DDX60: variants seen among roughly 807,000 people sequenced by gnomAD.
DDX60 encodes probable ATP-dependent RNA helicase DDX60.
DDX60 carries 165 observed loss-of-function variants against 212.8 expected under a neutral mutation model. The observed-to-expected ratio is 0.78, with a 90% CI of 0.68 to 0.88. The LOEUF is 0.88. Among genes scored for constraint, DDX60 ranks in the 40% least tolerant of loss-of-function variants. DDX60 has a pLI of 0.00. For missense variants in DDX60, 1,905 were observed against 2,003.9 expected, an observed-to-expected ratio of 0.95 and a Z score of 0.94; for synonymous variants, 703 against 685.3, an observed-to-expected ratio of 1.03 and a Z score of -0.40.
At chr4:168,224,028 T>C (rs781306831) in intron 35 of DDX60, among the ~76,000 whole-genome samples, 3 of 151,994 alleles carry the variant, frequency 2.0e-5, no homozygotes, top group Non-Finnish European at 4.4e-5. Flanking sequence ...TAGTGGTGCC[T>C]GGAAACTCTC....
intron 6 of DDX60, among the ~76,000 whole-genome samples, chr4:168,297,309 A>G (rs1301049079): frequency 2.1e-4 from 5 of 23,640 alleles, no homozygotes; most frequent in African/African-American, 1.9e-3. Context: ...AAAGAAAGAA[A>G]GAAAGAAAGA....
upstream of DDX60, among the ~76,000 whole-genome samples, chr4:168,320,703 CAA>C (rs1228962802): frequency 6.6e-6 from 1 of 152,142 alleles, no homozygotes; most frequent in Non-Finnish European, 1.5e-5. Context: ...TGTGTTATAA[CAA>C]GAGGTAGAAT....
chr4:168,220,572 G>A (rs1430568455), intron 37 of DDX60, 83 bp downstream of exon 37: 3 of 788,644 alleles, frequency 3.8e-6, no homozygotes, highest in Non-Finnish European at 6.0e-6. Context: ...CATGTACCTG[G>A]CTTATAGTAA....
intron 19 of DDX60, among the ~76,000 whole-genome samples, chr4:168,270,500 C>G (rs780311910): frequency 6.6e-6 from 1 of 152,170 alleles, no homozygotes; most frequent in African/African-American, 2.4e-5. Flanking sequence ...TTGGTTTTAT[C>G]CCTTACACAA....
At chr4:168,292,522 G>A (rs1432162506) in intron 7 of DDX60, among the ~76,000 whole-genome samples, 2 of 152,100 alleles carry the variant, frequency 1.3e-5, no homozygotes, top group South Asian at 2.1e-4. Context: ...TGAGCTGATC[G>A]AGCAACTAAT....
intron 13 of DDX60, among the ~76,000 whole-genome samples, chr4:168,281,151 AAAG>A (rs1560853989): frequency 1.3e-5 from 2 of 152,172 alleles, no homozygotes; most frequent in Admixed American, 6.5e-5. Flanking sequence ...GAAAAATAAA[AAAG>A]AAGAAGAAAA....
intron 28 of DDX60, 83 bp downstream of exon 28, chr4:168,250,871 G>A: frequency 8.4e-7 from 1 of 1,194,842 alleles, no homozygotes; most frequent in Non-Finnish European, 1.2e-6. Context: ...AAGAAAAATG[G>A]TGGTTGTATT....
the DDX60 span, among the ~76,000 whole-genome samples, chr4:168,325,392 A>G: frequency 6.6e-6 from 1 of 152,216 alleles, no homozygotes; most frequent in Non-Finnish European, 1.5e-5. Flanking sequence ...AAGAGAGTTC[A>G]TTCTCTATTA....
intron 13 of DDX60, 100 bp from the exon 14 acceptor site, chr4:168,280,690 C>T: frequency 7.7e-7 from 1 of 1,305,812 alleles, no homozygotes; most frequent in Non-Finnish European, 1.0e-6. Context: ...AAGACTTTGA[C>T]CATCATCCCA....
chr4:168,248,143 C>T, intron 29 of DDX60, 45 bp downstream of exon 29: 1 of 1,304,114 alleles, frequency 7.7e-7, no homozygotes, highest in Non-Finnish European at 1.1e-6. Context: ...ACGCTATGGC[C>T]ATATTTCAGC....
Position 168,255,801 on chromosome 4 carries a change from G to T in DDX60, c.3467C>A (p.Thr1156Lys). The T allele has an allele frequency of 1.2e-6, 2 of 1,607,960 alleles. No homozygotes were observed. The highest frequency in any genetic ancestry group is 1.7e-6 in the Non-Finnish European group (2 of 1,178,304). ...TTTATCAGCTTTGGGAGGCCTTTTT[G>T]TCTCCTGCTTTTTCTTTAGGAAAGT... Reference protein sequence around the residue: ...VSTFLKKKQETKRPPKADKEA... With the variant: ...VSTFLKKKQEKKRPPKADKEA... The change falls in exon 26 of 38, where the codon ACA becomes AAA. Residue 1156 changes from threonine to lysine, a missense_variant. Physicochemically the swap from Thr to Lys is moderately conservative, Grantham distance 78. Transcript: ENST00000393743.
chr4:168,280,456 T>C lies in DDX60; in HGVS notation c.1857A>G (p.Gly619=). ...EEQLKENLHS[G]IKSLEDFLKS... ...TCAAAAAATCTTCCAGGCTCTTTAT[T>C]CCAGAGTGTAAATTTTCTTTCAATT... The change falls in exon 14 of 38, where the codon GGA becomes GGG. Residue 619 remains glycine, a synonymous_variant. Coordinates refer to ENST00000393743, the MANE Select transcript of DDX60 (RefSeq NM_017631.6). 1 of 1,614,182 alleles carries C rather than the reference T, an allele frequency of 6.2e-7. No individual in the cohort carries two copies. The highest frequency in any genetic ancestry group is 1.1e-5 in the South Asian group (1 of 91,088).
intron 37 of DDX60, among the ~76,000 whole-genome samples, chr4:168,218,038 T>C (rs997240639): frequency 2.0e-5 from 3 of 152,170 alleles, no homozygotes; most frequent in Non-Finnish European, 4.4e-5. Flanking sequence ...GAATGAACAG[T>C]ACAGCTGGAC....
intron 22 of DDX60, among the ~76,000 whole-genome samples, chr4:168,265,262 G>A (rs1476978997): frequency 1.3e-5 from 2 of 152,134 alleles, no homozygotes; most frequent in East Asian, 1.9e-4. Context: ...CAGGTGGATG[G>A]CCGTTCTTAT....
chr4:168,302,165 G>A, intron 6 of DDX60, 135 bp downstream of exon 6: 1 of 460,294 alleles, frequency 2.2e-6, no homozygotes, highest in Non-Finnish European at 3.9e-6. Flanking sequence ...TTTCATAAAT[G>A]TTCCGTGGTT....
At chr4:168,267,176 A>C (rs765268303) in intron 22 of DDX60, among the ~76,000 whole-genome samples, 33 of 152,196 alleles carry the variant, frequency 2.2e-4, no homozygotes, top group Non-Finnish European at 4.1e-4. Flanking sequence ...TACATTAGTG[A>C]GAATGTCTTT....
chr4:168,238,362 G>C (rs1011327108), intron 30 of DDX60, among the ~76,000 whole-genome samples: 2 of 140,492 alleles, frequency 1.4e-5, no homozygotes, highest in African/African-American at 2.6e-5. Flanking sequence ...ACTAGGAGGA[G>C]GAAGGGAAGG....
chr4:168,299,858 T>C (rs1474747092), intron 6 of DDX60, among the ~76,000 whole-genome samples: 1 of 152,132 alleles, frequency 6.6e-6, no homozygotes, highest in Admixed American at 6.5e-5. Context: ...GAGATTTCTA[T>C]CAAATCTTCA....
At chr4:168,299,734 T>C (rs1278481361) in intron 6 of DDX60, among the ~76,000 whole-genome samples, 1 of 152,194 alleles carries the variant, frequency 6.6e-6, no homozygotes, top group East Asian at 1.9e-4. Context: ...AATAAATTAC[T>C]AAATTTGACC....
Sources: allele counts gnomAD v4.1 joint callset (sites outside exome capture counted in the v4.1 genomes callset), GRCh38; gene constraint gnomAD v4.1.1; transcripts MANE v1.5; gene names NCBI Gene and HGNC (gene_info 2026-07-23, HGNC 2026-07-21).